The following SPOCK1 variants were observed in gnomAD, a reference collection of about 807,000 sequenced individuals.
The protein encoded by SPOCK1 is testican-1.
SPOCK1 carries 23 observed loss-of-function variants against 55.3 expected under a neutral mutation model. That is an observed-to-expected ratio of 0.42 (90% CI 0.30 to 0.59). The LOEUF (loss-of-function observed/expected upper bound fraction) is 0.59, where lower values mean the gene tolerates loss of function less well. SPOCK1 is among the 20% of genes least tolerant of loss of function. The pLI is 0.22. For synonymous variants in SPOCK1, 226 were observed against 221.0 expected (o/e 1.02, Z -0.20); for missense variants, 499 against 552.5 (o/e 0.90, Z 0.97).
intron 2 of SPOCK1, among the ~76,000 whole-genome samples, chr5:137,268,235 G>A (rs762053338): frequency 1.3e-5 from 2 of 152,170 alleles, no homozygotes; most frequent in Non-Finnish European, 2.9e-5. Flanking sequence ...TAGCTTTAGA[G>A]TAAAATCAGA....
rs1754520388 is a variant in SPOCK1 at position 137,160,579 on chromosome 5, T to TATATAATATATA, written c.233-19886_233-19885insTATATATTATAT. Among the ~76,000 whole-genome samples the TATATAATATATA allele has an allele frequency of 6.7e-5, 4 of 60,118 alleles. No individual in the cohort carries two copies. In the Admixed American group the frequency reaches 7.9e-4, roughly 12 times the overall value. 39.4% of individuals were successfully genotyped at this position (60,118 alleles called of 152,430 possible). Reference sequence around the variant, plus strand: ...ATATTATATATTATATATTATATAATATATATAATATATAATATATTATAT... The same window carrying TATATAATATATA: ...ATATTATATATTATATATTATATAATATATAATATATAATATATAATATATAATATATTATAT... On this transcript the variant is annotated intron_variant, in intron 3 of 10. Coordinates refer to ENST00000394945, the MANE Select transcript of SPOCK1 (RefSeq NM_004598.4).
chr5:137,108,813 A>G (rs549376201), intron 5 of SPOCK1, among the ~76,000 whole-genome samples: 2 of 152,322 alleles, frequency 1.3e-5, no homozygotes, highest in East Asian at 3.9e-4. Flanking sequence ...CCTCTTATGA[A>G]GAATCCGAAG....
At chr5:137,370,962 C>T (rs996890555) in intron 2 of SPOCK1, among the ~76,000 whole-genome samples, 11 of 152,216 alleles carry the variant, frequency 7.2e-5, no homozygotes, top group African/African-American at 2.7e-4. Flanking sequence ...GCTCTCACAG[C>T]TGGTCACAGT....
Position 137,321,997 on chromosome 5 carries a change from G to A in SPOCK1, c.187-54942C>T, listed in dbSNP as rs182769386. 9.9e-5 allele frequency among the ~76,000 whole-genome samples: 15 copies of A among 152,076 alleles called. No homozygotes were observed. The East Asian group carries it at 1.7e-3, about 18-fold the overall frequency. ...GATAAAATTTATCACCACTAGACCC[G>A]CCTTATAAGAAAAGCTAAATGGAGT... On this transcript the variant is annotated intron_variant, in intron 2 of 10. Coordinates refer to ENST00000394945, the MANE Select transcript of SPOCK1 (RefSeq NM_004598.4).
intron 3 of SPOCK1, among the ~76,000 whole-genome samples, chr5:137,161,027 TA>T (rs1754545616): frequency 7.3e-6 from 1 of 136,624 alleles, no homozygotes; most frequent in Non-Finnish European, 1.6e-5. Context: ...TATATATATA[TA>T]TTACATATAT....
chr5:137,404,574 AAT>A (rs1491276191), intron 2 of SPOCK1, among the ~76,000 whole-genome samples: 5 of 92,528 alleles, frequency 5.4e-5, no homozygotes, highest in Non-Finnish European at 9.2e-5. Flanking sequence ...ACACCCAGCT[AAT>A]TTTTTTTTTT....
intron 2 of SPOCK1, among the ~76,000 whole-genome samples, chr5:137,398,955 T>C (rs1751915100): frequency 6.6e-6 from 1 of 151,996 alleles, no homozygotes; most frequent in Non-Finnish European, 1.5e-5. Context: ...TGCAAGCAAC[T>C]AGGGAGAACT....
intron 3 of SPOCK1, among the ~76,000 whole-genome samples, chr5:137,211,862 G>C (rs1039544514): frequency 1.3e-5 from 2 of 152,150 alleles, no homozygotes; most frequent in African/African-American, 4.8e-5. Flanking sequence ...AGAGGACATG[G>C]AAGCCCCGCC....
intron 6 of SPOCK1, among the ~76,000 whole-genome samples, chr5:137,001,704 T>G (rs970262183): frequency 6.6e-6 from 1 of 152,182 alleles, no homozygotes; most frequent in African/African-American, 2.4e-5. Flanking sequence ...ATGGGAATAA[T>G]GTTTGTGGTG....
At chr5:137,232,521 T>C (rs1756083346) in intron 3 of SPOCK1, among the ~76,000 whole-genome samples, 1 of 152,230 alleles carries the variant, frequency 6.6e-6, no homozygotes, top group Non-Finnish European at 1.5e-5. Context: ...GGGTTATCTA[T>C]TCTGTTTCAC....
chr5:137,072,393 C>T (rs1214876063), intron 5 of SPOCK1, among the ~76,000 whole-genome samples: 1 of 152,142 alleles, frequency 6.6e-6, no homozygotes, highest in African/African-American at 2.4e-5. Flanking sequence ...TCTAGACCCT[C>T]GACCTGCTAA....
chr5:137,038,016 C>A (rs1393701445), intron 6 of SPOCK1, among the ~76,000 whole-genome samples: 1 of 152,186 alleles, frequency 6.6e-6, no homozygotes, highest in Non-Finnish European at 1.5e-5. Flanking sequence ...TACCTAACTG[C>A]AAGAGGGGTT....
At chr5:137,413,540 G>A (rs1375765588) in intron 2 of SPOCK1, among the ~76,000 whole-genome samples, 1 of 152,114 alleles carries the variant, frequency 6.6e-6, no homozygotes, top group African/African-American at 2.4e-5. Context: ...TGCCTTCCTG[G>A]AAGATCTCAG....
intron 2 of SPOCK1, among the ~76,000 whole-genome samples, chr5:137,286,033 T>C (rs1757257906): frequency 6.6e-6 from 1 of 152,226 alleles, no homozygotes; most frequent in Non-Finnish European, 1.5e-5. Context: ...AGGCTGAGTT[T>C]GTCCATCCTG....
intron 3 of SPOCK1, among the ~76,000 whole-genome samples, chr5:137,175,591 G>T (rs1041707942): frequency 6.6e-6 from 1 of 152,190 alleles, no homozygotes; most frequent in South Asian, 2.1e-4. Flanking sequence ...TCTAATCCCA[G>T]CTTTACCATT....
At chr5:137,064,774 C>A (rs557272900) in intron 6 of SPOCK1, among the ~76,000 whole-genome samples, 1 of 152,294 alleles carries the variant, frequency 6.6e-6, no homozygotes, top group South Asian at 2.1e-4. Context: ...AAAGAGGTGT[C>A]AAATCAAAGG....
At chr5:137,385,583 C>A (rs1241722742) in intron 2 of SPOCK1, among the ~76,000 whole-genome samples, 2 of 152,136 alleles carry the variant, frequency 1.3e-5, no homozygotes, top group Non-Finnish European at 2.9e-5. Context: ...TAAATGAACA[C>A]CAACAGCCAC....
In SPOCK1 at chr5:137,164,077, C is replaced by T. The variant is rs1448092535; in HGVS notation, c.233-23383G>A. Among the ~76,000 whole-genome samples the T allele has an allele frequency of 2.6e-5, 4 of 152,192 alleles. No individual in the cohort carries two copies. In the East Asian group the frequency reaches 7.7e-4, roughly 29 times the overall value. ...AAGAGTTCATTTGCACTTTTGAGCA[C>T]TACCAGGCAAGACTGATTGCTTGCT... On this transcript the variant is annotated intron_variant, in intron 3 of 10. Transcript: ENST00000394945.
chr5:137,084,631 A>T (rs1224600107), intron 5 of SPOCK1, among the ~76,000 whole-genome samples: 1 of 152,114 alleles, frequency 6.6e-6, no homozygotes, highest in Admixed American at 6.5e-5. Context: ...CACATTAGTG[A>T]AAAAGGAATG....
Sources: gnomAD v4.1 joint callset for allele counts (sites outside exome capture counted in the v4.1 genomes callset) on GRCh38, gnomAD v4.1.1 for gene constraint, MANE v1.5 for transcripts, NCBI Gene and HGNC (gene_info 2026-07-23, HGNC 2026-07-21) for gene names.